Variants in DCTN5 observed in about 807,000 individuals in gnomAD.
The protein encoded by DCTN5 is dynactin subunit 5.
Under a neutral mutation model 23.5 loss-of-function variants are expected in DCTN5, and 14 were observed. That is an observed-to-expected ratio of 0.60 (90% CI 0.39 to 0.93). DCTN5 has a LOEUF of 0.93. DCTN5 is among the 40% of genes least tolerant of loss of function. DCTN5 has a pLI of 0.00. For missense variants in DCTN5, 156 were observed against 225.9 expected (o/e 0.69, Z 1.98); for synonymous variants, 67 against 79.6 (o/e 0.84, Z 0.84).
chr16:23,642,085 C>G (rs979253715), intron 1 of DCTN5, among the ~76,000 whole-genome samples: 1 of 152,156 alleles, frequency 6.6e-6, no homozygotes, highest in African/African-American at 2.4e-5. Context: ...GCGCCCGCCA[C>G]CACGCCCGGC....
chr16:23,652,033 T>G (rs540778131), intron 2 of DCTN5, among the ~76,000 whole-genome samples: 1 of 152,228 alleles, frequency 6.6e-6, no homozygotes, highest in East Asian at 1.9e-4. Context: ...AGACTCCATC[T>G]CAAAAACTAA....
At position 23,675,278 on chromosome 16, in the gene DCTN5, AT is replaced by A. The variant is rs1484695300; in HGVS notation, c.*8136del. The A allele has an allele frequency of 6.6e-6, 1 of 152,190 alleles. No homozygotes were observed. Among genetic ancestry groups the A allele is most frequent in the Non-Finnish European group, 1.5e-5 (1 of 68,030 alleles). The allele number at this position is 152,190 out of a possible 1,614,324, so 9.4% of individuals were successfully genotyped here. Reference sequence around the variant, plus strand: ...CACTTTGGGAGGCCGAGGTGGGCAGATTGCTTGAGTTCAGGAGTTCAAGACC... The same window carrying A: ...CACTTTGGGAGGCCGAGGTGGGCAGATGCTTGAGTTCAGGAGTTCAAGACC... On this transcript the variant is annotated 3_prime_UTR_variant, in exon 6 of 6. Transcript: ENST00000300087.
Position 23,668,532 on chromosome 16 carries a change from GT to G in DCTN5, c.*1390del, listed in dbSNP as rs1260667640. 1 of 152,236 alleles carries G rather than the reference GT, an allele frequency of 6.6e-6. No homozygotes were observed. The allele number at this position is 152,236 out of a possible 1,614,324, so 9.4% of individuals were successfully genotyped here. Reference sequence around the variant, plus strand: ...GTCCATGATGTCATCAGGCACCCAGGTTCCTACTGTCTTGCCATGTGGCCAC... The same window carrying G: ...GTCCATGATGTCATCAGGCACCCAGGTCCTACTGTCTTGCCATGTGGCCAC... On this transcript the variant is annotated 3_prime_UTR_variant, in exon 6 of 6. Coordinates refer to ENST00000300087, the MANE Select transcript of DCTN5 (RefSeq NM_032486.4).
At chr16:23,647,093 C>G (rs1967479801) in intron 2 of DCTN5, among the ~76,000 whole-genome samples, 1 of 149,940 alleles carries the variant, frequency 6.7e-6, no homozygotes, top group Non-Finnish European at 1.5e-5. Flanking sequence ...TTATGGAACA[C>G]TGCACTGTTT....
chr16:23,645,416 C>T (rs1433105881), intron 2 of DCTN5, among the ~76,000 whole-genome samples: 2 of 151,970 alleles, frequency 1.3e-5, no homozygotes, highest in African/African-American at 4.8e-5. Context: ...TGAGCCACTG[C>T]GCCCAGCCTT....
chr16:23,658,255 C>G (rs1967746834), intron 2 of DCTN5, among the ~76,000 whole-genome samples: 3 of 152,194 alleles, frequency 2.0e-5, no homozygotes, highest in African/African-American at 7.2e-5. Context: ...ACTAAGTGCT[C>G]ATTCAGTGAG....
intron 3 of DCTN5, 46 bp from the exon 4 acceptor site, chr16:23,661,124 T>C (rs1427399735): frequency 9.5e-6 from 13 of 1,364,240 alleles, no homozygotes; most frequent in Non-Finnish European, 1.4e-5. Context: ...TGACCCAAAG[T>C]ACATCATCTT....
intron 2 of DCTN5, among the ~76,000 whole-genome samples, chr16:23,649,727 A>G (rs1436412018): frequency 6.6e-6 from 1 of 151,452 alleles, no homozygotes; most frequent in African/African-American, 2.4e-5. Flanking sequence ...AATCCCAGCT[A>G]CTCAGGAGGC....
intron 4 of DCTN5, among the ~76,000 whole-genome samples, chr16:23,663,218 G>A (rs1031044680): frequency 1.2e-4 from 18 of 152,226 alleles, no homozygotes; most frequent in Non-Finnish European, 2.6e-4. Flanking sequence ...TATAGGCACT[G>A]TTACTGTACT....
intron 1 of DCTN5, 34 bp downstream of exon 1, chr16:23,641,624 C>T (rs750061848): frequency 1.2e-6 from 2 of 1,612,814 alleles, no homozygotes; most frequent in Non-Finnish European, 1.7e-6. Flanking sequence ...CTCCTCTTTC[C>T]AACCCTGCGT....
At chr16:23,654,475 C>T (rs1967663220) in intron 2 of DCTN5, among the ~76,000 whole-genome samples, 1 of 151,900 alleles carries the variant, frequency 6.6e-6, no homozygotes, top group Non-Finnish European at 1.5e-5. Flanking sequence ...TGGGAGGGTG[C>T]AGGAGGGAAA....
chr16:23,673,353 G>T lies in DCTN5; in HGVS notation c.*6209G>T, dbSNP rs1292523040. ...TAGTCTTGAACTCCTGGGCTCAAGC[G>T]ATCTTGGCCTCCCTAAGTGCTGGGA... On this transcript the variant is annotated 3_prime_UTR_variant, in exon 6 of 6. Transcript: ENST00000300087. 3.3e-5 allele frequency: 5 copies of T among 152,092 alleles called. No individual in the cohort carries two copies. Among genetic ancestry groups the T allele is most frequent in the African/African-American group, 4.8e-5 (2 of 41,410 alleles). 9.4% of individuals were successfully genotyped at this position (152,092 alleles called of 1,614,324 possible).
chr16:23,667,521 C>T lies in DCTN5; in HGVS notation c.*377C>T, dbSNP rs1239150363. The T allele has an allele frequency of 4.8e-6, 1 of 209,106 alleles. No individual in the cohort carries two copies. The highest frequency in any genetic ancestry group is 9.9e-6 in the Non-Finnish European group (1 of 101,128). 13.0% of individuals were successfully genotyped at this position (209,106 alleles called of 1,614,324 possible). A position where few individuals can be genotyped will look rare whatever the true frequency, so the allele number is the denominator to read the frequency against. ...CCCTTCCGGTGTGGAGGCTATGTAG[C>T]TGGTGCGCTGCTCACGGCCATTCAC... On this transcript the variant is annotated 3_prime_UTR_variant, in exon 6 of 6. Transcript: ENST00000300087.
chr16:23,657,496 A>AGTGCCACAATC, intron 2 of DCTN5: 1 of 434,288 alleles, frequency 2.3e-6, no homozygotes, highest in East Asian at 8.7e-5. Flanking sequence ...GCTGGAGTGC[A>AGTGCCACAATC]ATGGCGCGAT....
chr16:23,645,107 A>C (rs548020802), intron 2 of DCTN5, among the ~76,000 whole-genome samples: 1 of 29,482 alleles, frequency 3.4e-5, no homozygotes, highest in East Asian at 1.1e-3. Flanking sequence ...ATATATATAT[A>C]TATATATATA....
chr16:23,642,133 G>A (rs1567226901), intron 1 of DCTN5, among the ~76,000 whole-genome samples: 1 of 151,980 alleles, frequency 6.6e-6, no homozygotes, highest in Admixed American at 6.6e-5. Flanking sequence ...GGGTTTCACC[G>A]TGTTGGCCAG....
At chr16:23,657,001 A>AAT (rs1555463843) in intron 2 of DCTN5, among the ~76,000 whole-genome samples, 20 of 151,994 alleles carry the variant, frequency 1.3e-4, no homozygotes, top group Non-Finnish European at 2.1e-4. Context: ...AAAAAAAAAA[A>AAT]AAATAAAGAC....
rs1567228302 is a variant in DCTN5 at position 23,645,104 on chromosome 16, TATATATATATATATATATATA to T, written c.117+2082_117+2102del. Among the ~76,000 whole-genome samples the T allele has an allele frequency of 3.0e-4, 9 of 30,038 alleles. No homozygotes were observed. The East Asian group carries it at 4.3e-3, about 14-fold the overall frequency. The allele number at this position is 30,038 out of a possible 152,430, so 19.7% of individuals were successfully genotyped here. On this transcript the variant is annotated intron_variant, in intron 2 of 5. Coordinates refer to ENST00000300087, the MANE Select transcript of DCTN5 (RefSeq NM_032486.4). ...CTAACTATATATATATATATATATA[TATATATATATATATATATATA>T]TATATATATATATTTTTTTTTTTTT...
intron 2 of DCTN5, among the ~76,000 whole-genome samples, chr16:23,652,418 G>T (rs925306909): frequency 6.6e-6 from 1 of 152,114 alleles, no homozygotes; most frequent in Non-Finnish European, 1.5e-5. Context: ...CCTCCCAACA[G>T]CCGAACAGTC....
Sources: gnomAD v4.1 joint callset for allele counts (sites outside exome capture counted in the v4.1 genomes callset) on GRCh38, gnomAD v4.1.1 for gene constraint, MANE v1.5 for transcripts, NCBI Gene and HGNC (gene_info 2026-07-23, HGNC 2026-07-21) for gene names.